Variants in RANBP2 observed in about 807,000 individuals in gnomAD.
RANBP2 encodes RAN binding protein 2, also known as E3 SUMO-protein ligase RanBP2.
A neutral mutation model predicts 303.6 loss-of-function variants in RANBP2; 57 were observed. The observed-to-expected ratio is 0.19, with a 90% CI of 0.15 to 0.23. The LOEUF (loss-of-function observed/expected upper bound fraction) is 0.23, where lower values mean the gene tolerates loss of function less well. Among genes scored for constraint, RANBP2 ranks in the 10% least tolerant of loss-of-function variants. The probability of loss-of-function intolerance (pLI) is 1.00; values close to 1 mark genes in which losing one functional copy is unlikely to be tolerated. For synonymous variants in RANBP2, 1,167 were observed against 1,301.5 expected (o/e 0.90, Z 2.23); for missense variants, 3,138 against 3,780.8 (o/e 0.83, Z 4.46).
At chr2:109,118,842 C>T in the RANBP2 span, among the ~76,000 whole-genome samples, 5 of 152,092 alleles carry the variant, frequency 3.3e-5, no homozygotes, top group Admixed American at 2.0e-4. Context: ...CTTTCTAAGT[C>T]GTGGGATCCC....
At chr2:109,082,860 C>G in the RANBP2 span, among the ~76,000 whole-genome samples, 2 of 144,088 alleles carry the variant, frequency 1.4e-5, no homozygotes, top group East Asian at 2.1e-4. Flanking sequence ...GAGTCTCACT[C>G]TGTCTCCCAG....
chr2:109,741,420 A>G, the RANBP2 span, among the ~76,000 whole-genome samples: 1 of 151,960 alleles, frequency 6.6e-6, no homozygotes, highest in Non-Finnish European at 1.5e-5. Context: ...AAAAGCATCT[A>G]TAAAAACCCT....
At chr2:109,283,487 G>A in the RANBP2 span, among the ~76,000 whole-genome samples, 2 of 152,140 alleles carry the variant, frequency 1.3e-5, no homozygotes, top group African/African-American at 4.8e-5. Context: ...AGAGACCCCT[G>A]GTGTTGTCCA....
chr2:109,648,178 C>T, the RANBP2 span, among the ~76,000 whole-genome samples: 13 of 152,078 alleles, frequency 8.5e-5, no homozygotes, highest in Non-Finnish European at 1.8e-4. Context: ...GAATGCTTGG[C>T]GTGGGCTGGG....
chr2:109,136,216 T>G, the RANBP2 span, among the ~76,000 whole-genome samples: 2 of 151,076 alleles, frequency 1.3e-5, no homozygotes, highest in Admixed American at 6.6e-5. Flanking sequence ...TGATCTTTTT[T>G]GAGGTGCATT....
chr2:109,356,501 G>T, the RANBP2 span, among the ~76,000 whole-genome samples: 2 of 152,200 alleles, frequency 1.3e-5, no homozygotes, highest in Non-Finnish European at 1.5e-5. Context: ...GCCTGGTGGG[G>T]TTTTCATGTG....
the RANBP2 span, among the ~76,000 whole-genome samples, chr2:109,580,157 A>T: frequency 6.6e-6 from 1 of 151,728 alleles, no homozygotes; most frequent in South Asian, 2.1e-4. Flanking sequence ...CAGGCTAAAA[A>T]AACTTCACTG....
the RANBP2 span, among the ~76,000 whole-genome samples, chr2:109,416,812 G>A: frequency 1.3e-5 from 2 of 151,788 alleles, no homozygotes; most frequent in Non-Finnish European, 2.9e-5. Flanking sequence ...AGGCTAAGTC[G>A]GGAGAATCGC....
At chr2:108,838,115 G>A in the RANBP2 span, among the ~76,000 whole-genome samples, 4 of 152,034 alleles carry the variant, frequency 2.6e-5, no homozygotes, top group African/African-American at 9.7e-5. Flanking sequence ...TAGTGACTCT[G>A]GTAAGATTAC....
At position 108,740,840 on chromosome 2, in the gene RANBP2, C is replaced by G. The variant is rs192790402; in HGVS notation, c.975+159C>G. 4.4e-4 allele frequency among the ~76,000 whole-genome samples: 66 copies of G among 150,530 alleles called. 1 individual carries two copies. Among genetic ancestry groups the G allele is most frequent in the Admixed American group, 3.9e-3 (60 of 15,208 alleles). On this transcript the variant is annotated intron_variant, in intron 7 of 28. Transcript: ENST00000283195. Reference sequence around the variant, plus strand: ...ACAGTGGAAAATAACTAAGCATACACAATACTGGTGAGGCTGGTGAAACAG... The same window carrying G: ...ACAGTGGAAAATAACTAAGCATACAGAATACTGGTGAGGCTGGTGAAACAG...
the RANBP2 span, among the ~76,000 whole-genome samples, chr2:109,663,121 T>A: frequency 6.6e-6 from 1 of 152,218 alleles, no homozygotes; most frequent in Non-Finnish European, 1.5e-5. Flanking sequence ...TAGCTTTCCC[T>A]GAAGGTACTT....
chr2:109,357,189 G>T, the RANBP2 span, among the ~76,000 whole-genome samples: 3 of 147,148 alleles, frequency 2.0e-5, no homozygotes, highest in South Asian at 4.3e-4. Context: ...TTGTTTTTTG[G>T]TTTTTTTTTT....
chr2:109,328,720 G>T, the RANBP2 span, among the ~76,000 whole-genome samples: 1 of 152,166 alleles, frequency 6.6e-6, no homozygotes, highest in African/African-American at 2.4e-5. Flanking sequence ...ACTGTGTCCT[G>T]TGATCTGTCA....
the RANBP2 span, among the ~76,000 whole-genome samples, chr2:109,238,938 G>A: frequency 6.6e-6 from 1 of 152,192 alleles, no homozygotes; most frequent in Non-Finnish European, 1.5e-5. Flanking sequence ...AGAGACAACA[G>A]ATGAGAGGGC....
chr2:109,133,725 T>G, the RANBP2 span, among the ~76,000 whole-genome samples: 1 of 131,426 alleles, frequency 7.6e-6, no homozygotes, highest in African/African-American at 3.8e-5. Context: ...AGGGACAATT[T>G]TTTTTTTTTT....
chr2:109,551,964 T>G, the RANBP2 span, among the ~76,000 whole-genome samples: 1 of 152,200 alleles, frequency 6.6e-6, no homozygotes, highest in Non-Finnish European at 1.5e-5. Context: ...CGCGGACCAG[T>G]ACTGGTCCAT....
chr2:108,951,285 T>C, the RANBP2 span, among the ~76,000 whole-genome samples: 4 of 152,226 alleles, frequency 2.6e-5, no homozygotes, highest in Non-Finnish European at 5.9e-5. Flanking sequence ...GTAATTCCAA[T>C]GACCACACTA....
chr2:108,802,100 T>C, the RANBP2 span, among the ~76,000 whole-genome samples: 2 of 145,452 alleles, frequency 1.4e-5, no homozygotes, highest in African/African-American at 5.1e-5. Flanking sequence ...TAGGATTGAC[T>C]TGGCGATGCG....
chr2:109,445,120 A>G, the RANBP2 span, among the ~76,000 whole-genome samples: 1 of 152,240 alleles, frequency 6.6e-6, no homozygotes, highest in Non-Finnish European at 1.5e-5. Flanking sequence ...GGAAAGCCAT[A>G]CAGAGGAATT....
Sources: allele counts gnomAD v4.1 joint callset (sites outside exome capture counted in the v4.1 genomes callset), GRCh38; gene constraint gnomAD v4.1.1; transcripts MANE v1.5; gene names NCBI Gene and HGNC (gene_info 2026-07-23, HGNC 2026-07-21).